KIZ: variants seen among roughly 807,000 people sequenced by gnomAD.
KIZ encodes the protein centrosomal protein kizuna.
In KIZ, 68 loss-of-function variants were observed where a neutral mutation model predicts 79.6. The observed-to-expected ratio is 0.85, with a 90% CI of 0.70 to 1.05. KIZ has a LOEUF of 1.05. KIZ is among the 50% of genes least tolerant of loss of function. KIZ has a pLI of 0.00. For synonymous variants in KIZ, 280 were observed against 281.8 expected (o/e 0.99, Z 0.06); for missense variants, 797 against 800.4 (o/e 1.00, Z 0.05).
intron 6 of KIZ, among the ~76,000 whole-genome samples, chr20:21,178,385 G>T (rs2034520641): frequency 6.6e-6 from 1 of 151,990 alleles, no homozygotes; most frequent in Non-Finnish European, 1.5e-5. Flanking sequence ...ACAGTTTGTT[G>T]TTAGTGTATA....
chr20:21,231,727 T>TA (rs2036839738), intron 10 of KIZ, among the ~76,000 whole-genome samples: 1 of 152,160 alleles, frequency 6.6e-6, no homozygotes, highest in African/African-American at 2.4e-5. Flanking sequence ...TAGGGCAGCT[T>TA]CACAGTGTTG....
At chr20:21,225,672 C>T (rs910310680) in intron 9 of KIZ, among the ~76,000 whole-genome samples, 1 of 152,150 alleles carries the variant, frequency 6.6e-6, no homozygotes, top group Non-Finnish European at 1.5e-5. Flanking sequence ...CAAAGTGGAG[C>T]TTTTAACTGA....
intron 11 of KIZ, among the ~76,000 whole-genome samples, chr20:21,240,337 C>T (rs2037171928): frequency 6.6e-6 from 1 of 152,124 alleles, no homozygotes; most frequent in Non-Finnish European, 1.5e-5. Flanking sequence ...GTTGGCCAGG[C>T]TGATCTCGAA....
At chr20:21,177,402 A>C (rs921042769) in intron 6 of KIZ, among the ~76,000 whole-genome samples, 2 of 152,138 alleles carry the variant, frequency 1.3e-5, no homozygotes, top group African/African-American at 4.8e-5. Context: ...ATGTTTATTC[A>C]GGTCTTTAGC....
chr20:21,126,512 T>C (rs1263109622), intron 1 of KIZ, among the ~76,000 whole-genome samples: 1 of 152,168 alleles, frequency 6.6e-6, no homozygotes, highest in Non-Finnish European at 1.5e-5. Context: ...GGAGTTCTTC[T>C]GCCTGTCACT....
intron 4 of KIZ, among the ~76,000 whole-genome samples, chr20:21,148,224 G>C (rs2032947633): frequency 6.6e-6 from 1 of 152,052 alleles, no homozygotes; most frequent in African/African-American, 2.4e-5. Context: ...TATCAAATTG[G>C]TGATCATTCT....
Position 21,162,094 on chromosome 20 carries a change from A to G in KIZ, c.629A>G (p.Gln210Arg). The G allele has an allele frequency of 1.2e-6, 2 of 1,613,708 alleles. No homozygotes were observed. Among genetic ancestry groups the G allele is most frequent in the South Asian group, 1.1e-5 (1 of 91,054 alleles). ...AATGTGACAGACAGCTGTGTAGTAC[A>G]AACTAGTAATGACACACAGTGCTTA... ...SSNVTDSCVV[Q>R]TSNDTQCLNK... The change falls in exon 5 of 13, where the codon CAA (glutamine) becomes CGA (arginine). Residue 210 changes from glutamine (Q) to arginine (R), a missense_variant. Gln to Arg is a conservative substitution (Grantham distance 43, BLOSUM62 1). Coordinates refer to ENST00000619189, the MANE Select transcript of KIZ (RefSeq NM_018474.6).
Position 21,154,049 on chromosome 20 carries a change from G to A in KIZ, c.406-7822G>A, listed in dbSNP as rs564480497. ...TGTTGGATGTAAATTATTGTTAATG[G>A]ATTTTTAAAAATCTTCTCAATGTGA... On this transcript the variant is annotated intron_variant, in intron 4 of 12. Transcript: ENST00000619189. The A allele has an allele frequency of 7.2e-5, 11 of 152,172 alleles. No individual in the cohort carries two copies. The South Asian group carries it at 1.5e-3, about 20-fold the overall frequency. The allele number at this position is 152,172 out of a possible 1,614,324, so 9.4% of individuals were successfully genotyped here.
intron 3 of KIZ, 45 bp downstream of exon 3, chr20:21,136,597 G>GTTT: frequency 7.7e-7 from 1 of 1,299,238 alleles, no homozygotes; most frequent in Non-Finnish European, 1.0e-6. Flanking sequence ...TTGTTGTTGT[G>GTTT]TGTTTTTTTT....
At chr20:21,215,316 T>C (rs910876095) in intron 8 of KIZ, among the ~76,000 whole-genome samples, 3 of 152,216 alleles carry the variant, frequency 2.0e-5, no homozygotes, top group Non-Finnish European at 4.4e-5. Context: ...ACTTATTTTA[T>C]GTCCCACCTA....
At chr20:21,143,256 A>G (rs768235389) in intron 3 of KIZ, among the ~76,000 whole-genome samples, 11 of 152,284 alleles carry the variant, frequency 7.2e-5, no homozygotes, top group Middle Eastern at 3.4e-3. Flanking sequence ...CAGATTTTAA[A>G]CGTCGATTCA....
In KIZ at chr20:21,167,655, G is replaced by A. The variant is rs1050446376; in HGVS notation, c.1352+4496G>A. 1.7e-4 allele frequency among the ~76,000 whole-genome samples: 23 copies of A among 136,000 alleles called. 1 individual carries two copies. Among genetic ancestry groups the A allele is most frequent in the African/African-American group, 5.6e-4 (21 of 37,452 alleles). The allele number at this position is 136,000 out of a possible 152,430, so 89.2% of individuals were successfully genotyped here. ...CGGCTCACTGCAACCTCCACCTCCC[G>A]GGTGCAAGCTAGTCTCATGCCTCAG... is the stretch of plus-strand genomic sequence containing the variant. On this transcript the variant is annotated intron_variant, in intron 6 of 12. Coordinates refer to ENST00000619189, the MANE Select transcript of KIZ (RefSeq NM_018474.6).
chr20:21,127,634 T>A (rs2031566218), intron 1 of KIZ, among the ~76,000 whole-genome samples: 1 of 152,268 alleles, frequency 6.6e-6, no homozygotes, highest in East Asian at 1.9e-4. Context: ...AATCTGTTGC[T>A]GTGTGTGTTC....
intron 11 of KIZ, among the ~76,000 whole-genome samples, chr20:21,233,958 T>TA (rs766532657): frequency 1.8e-4 from 28 of 152,284 alleles, no homozygotes; most frequent in South Asian, 6.2e-4. Flanking sequence ...GGAAGAGTGT[T>TA]AAAGTATTAT....
chr20:21,183,237 T>C (rs903708310), intron 6 of KIZ, among the ~76,000 whole-genome samples: 2 of 152,182 alleles, frequency 1.3e-5, no homozygotes, highest in African/African-American at 4.8e-5. Context: ...TTGTGATGAA[T>C]AGGTATTGCT....
chr20:21,174,194 C>T (rs563652147), intron 6 of KIZ, among the ~76,000 whole-genome samples: 1 of 152,336 alleles, frequency 6.6e-6, no homozygotes, highest in African/African-American at 2.4e-5. Context: ...TTTTCCACCA[C>T]CCAAATCACA....
intron 9 of KIZ, among the ~76,000 whole-genome samples, chr20:21,223,620 T>A (rs2036567721): frequency 6.6e-6 from 1 of 152,128 alleles, no homozygotes; most frequent in African/African-American, 2.4e-5. Flanking sequence ...CTTTTCTGTA[T>A]TTTCAGAATT....
At chr20:21,232,290 G>A (rs573012198) in intron 10 of KIZ, among the ~76,000 whole-genome samples, 3 of 152,164 alleles carry the variant, frequency 2.0e-5, no homozygotes, top group South Asian at 2.1e-4. Context: ...CTCCTCTGTG[G>A]GATGGAAAAT....
intron 4 of KIZ, among the ~76,000 whole-genome samples, chr20:21,146,454 A>T (rs1260319101): frequency 1.3e-5 from 2 of 152,224 alleles, no homozygotes; most frequent in African/African-American, 4.8e-5. Flanking sequence ...TGATAACGGG[A>T]TATGATTTTC....
Sources: allele counts gnomAD v4.1 joint callset (sites outside exome capture counted in the v4.1 genomes callset), GRCh38; gene constraint gnomAD v4.1.1; transcripts MANE v1.5; gene names NCBI Gene and HGNC (gene_info 2026-07-23, HGNC 2026-07-21).